The following MCTP1 variants were observed in gnomAD, a reference collection of about 807,000 sequenced individuals.
The protein encoded by MCTP1 is multiple C2 and transmembrane domain containing 1.
In MCTP1, 69 loss-of-function variants were observed where a neutral mutation model predicts 120.6. That is an observed-to-expected ratio of 0.57 (90% CI 0.47 to 0.70). The LOEUF (loss-of-function observed/expected upper bound fraction) is 0.70, where lower values mean the gene tolerates loss of function less well. MCTP1 is among the 30% of genes least tolerant of loss of function. The pLI is 0.00. For missense variants in MCTP1, 1,203 were observed against 1,248.8 expected, an observed-to-expected ratio of 0.96 and a Z score of 0.55; for synonymous variants, 529 against 493.1, an observed-to-expected ratio of 1.07 and a Z score of -0.96.
intron 1 of MCTP1, among the ~76,000 whole-genome samples, chr5:95,168,682 A>C (rs1024352984): frequency 2.6e-5 from 4 of 152,152 alleles, no homozygotes; most frequent in African/African-American, 2.4e-5. Context: ...GGAGTTCACT[A>C]GTGATTTGGC....
chr5:95,106,402 G>A (rs1757086768), intron 1 of MCTP1, among the ~76,000 whole-genome samples: 2 of 152,170 alleles, frequency 1.3e-5, no homozygotes, highest in South Asian at 2.1e-4. Flanking sequence ...ACTACTCAGA[G>A]GAGAGCAGAC....
intron 18 of MCTP1, among the ~76,000 whole-genome samples, chr5:94,790,240 C>T (rs1778606652): frequency 2.6e-5 from 4 of 152,124 alleles, no homozygotes; most frequent in Non-Finnish European, 1.5e-5. Flanking sequence ...ACCCAAAGTG[C>T]ATAAAACAAG....
chr5:94,843,260 C>A (rs1295035595), intron 17 of MCTP1, among the ~76,000 whole-genome samples: 1 of 152,070 alleles, frequency 6.6e-6, no homozygotes, highest in Non-Finnish European at 1.5e-5. Flanking sequence ...CAGACACGTT[C>A]ACAAAGAATT....
chr5:95,272,085 T>C (rs551345119), intron 1 of MCTP1, among the ~76,000 whole-genome samples: 129 of 152,294 alleles, frequency 8.5e-4, no homozygotes, highest in African/African-American at 3.0e-3. Flanking sequence ...CTGGTTATCT[T>C]TGACTCCAGT....
chr5:94,948,717 T>C (rs562871605), intron 3 of MCTP1, among the ~76,000 whole-genome samples: 1 of 152,268 alleles, frequency 6.6e-6, no homozygotes, highest in South Asian at 2.1e-4. Flanking sequence ...TACAGAAGCT[T>C]GGACTCTACT....
At chr5:95,061,319 A>G (rs1471340518) in intron 1 of MCTP1, among the ~76,000 whole-genome samples, 1 of 151,134 alleles carries the variant, frequency 6.6e-6, no homozygotes, top group Non-Finnish European at 1.5e-5. Context: ...GTAAGTTTCC[A>G]GAGTCATATT....
chr5:94,936,628 A>G (rs901848299), intron 5 of MCTP1, among the ~76,000 whole-genome samples: 6 of 152,108 alleles, frequency 3.9e-5, no homozygotes, highest in African/African-American at 1.4e-4. Context: ...TTTTATACAG[A>G]TGCCTACAAA....
At chr5:94,989,263 C>T (rs1012653099) in intron 2 of MCTP1, among the ~76,000 whole-genome samples, 19 of 151,968 alleles carry the variant, frequency 1.3e-4, no homozygotes, top group African/African-American at 4.4e-4. Context: ...ATTGTAATAG[C>T]GGGACAATCT....
chr5:94,827,980 T>C (rs1787599337), intron 17 of MCTP1, among the ~76,000 whole-genome samples: 1 of 152,028 alleles, frequency 6.6e-6, no homozygotes, highest in South Asian at 2.1e-4. Context: ...AAACTCATTT[T>C]CCGTTCAGTT....
chr5:94,831,688 G>A (rs1788545266), intron 17 of MCTP1, among the ~76,000 whole-genome samples: 1 of 152,032 alleles, frequency 6.6e-6, no homozygotes. Flanking sequence ...AATTTGCTAA[G>A]CTTTAATGAG....
rs904628752 is a variant in MCTP1, at chr5:95,201,752, G to A, written c.720+82104C>T. On this transcript the variant is annotated intron_variant, in intron 1 of 22. Transcript: ENST00000515393. ...ACTCCTGACCTCAAGGGATCCATCC[G>A]CCTCGGCCTCCCAAAGTGCTGGGAT... 5.9e-5 allele frequency among the ~76,000 whole-genome samples: 9 copies of A among 151,984 alleles called. No homozygotes were observed. The South Asian group carries it at 6.2e-4, about 11-fold the overall frequency.
chr5:94,883,503 G>A (rs980256028), intron 12 of MCTP1, among the ~76,000 whole-genome samples: 1 of 152,096 alleles, frequency 6.6e-6, no homozygotes, highest in African/African-American at 2.4e-5. Context: ...ATGACTATTT[G>A]CACATCCTCT....
At chr5:95,132,944 C>G (rs1759159184) in intron 1 of MCTP1, among the ~76,000 whole-genome samples, 1 of 152,188 alleles carries the variant, frequency 6.6e-6, no homozygotes, top group African/African-American at 2.4e-5. Flanking sequence ...TACATTCCTC[C>G]ATGCTGCACT....
At chr5:95,250,882 T>C (rs941327934) in intron 1 of MCTP1, among the ~76,000 whole-genome samples, 1 of 152,194 alleles carries the variant, frequency 6.6e-6, no homozygotes, top group East Asian at 1.9e-4. Flanking sequence ...GTATGTAGTA[T>C]ATGAGCTACT....
chr5:95,170,099 T>C (rs1423748148), intron 1 of MCTP1, among the ~76,000 whole-genome samples: 1 of 152,236 alleles, frequency 6.6e-6, no homozygotes, highest in Non-Finnish European at 1.5e-5. Context: ...CCAGAGATTC[T>C]GGTATGTTGT....
chr5:95,233,488 C>T (rs988731516), intron 1 of MCTP1, among the ~76,000 whole-genome samples: 3 of 152,032 alleles, frequency 2.0e-5, no homozygotes, highest in Admixed American at 6.6e-5. Context: ...GCCACCAGGC[C>T]CAGCTAATTT....
chr5:95,128,195 G>A (rs77156137), intron 1 of MCTP1, among the ~76,000 whole-genome samples: 5,078 of 152,274 alleles, frequency 0.033, 128 homozygotes, highest in Middle Eastern at 0.061. Context: ...CAAGGTACAC[G>A]ACCATGATCA....
intron 1 of MCTP1, among the ~76,000 whole-genome samples, chr5:95,264,427 C>G (rs1191845224): frequency 2.6e-5 from 4 of 152,170 alleles, no homozygotes; most frequent in Admixed American, 2.0e-4. Context: ...CACAGAAAAA[C>G]AGTCTCCCTC....
At chr5:95,252,018 A>T (rs1757429273) in intron 1 of MCTP1, among the ~76,000 whole-genome samples, 1 of 152,166 alleles carries the variant, frequency 6.6e-6, no homozygotes, top group South Asian at 2.1e-4. Context: ...AATATCATAC[A>T]TCACAGGCAA....
Sources: allele counts gnomAD v4.1 joint callset (sites outside exome capture counted in the v4.1 genomes callset), GRCh38; gene constraint gnomAD v4.1.1; transcripts MANE v1.5; gene names NCBI Gene and HGNC (gene_info 2026-07-23, HGNC 2026-07-21).